Variants in PDE3A observed in about 807,000 individuals in gnomAD.
PDE3A encodes phosphodiesterase 3A.
A neutral mutation model predicts 98.3 loss-of-function variants in PDE3A; 43 were observed. That is an observed-to-expected ratio of 0.44 (90% confidence interval 0.34 to 0.56). PDE3A has a LOEUF of 0.56. PDE3A is among the 20% of genes least tolerant of loss of function. The pLI is 0.01. For synonymous variants in PDE3A, 663 were observed against 567.9 expected, an observed-to-expected ratio of 1.17 and a Z score of -2.38; for missense variants, 1,427 against 1,440.7, an observed-to-expected ratio of 0.99 and a Z score of 0.15.
At chr12:20,467,892 G>A (rs1453652271) in intron 1 of PDE3A, among the ~76,000 whole-genome samples, 6 of 126,426 alleles carry the variant, frequency 4.7e-5, no homozygotes, top group African/African-American at 1.5e-4. Flanking sequence ...CTGAGATTGG[G>A]CCACTGCACT....
intron 1 of PDE3A, among the ~76,000 whole-genome samples, chr12:20,515,746 ATTTT>A (rs1236895233): frequency 1.7e-5 from 2 of 118,326 alleles, no homozygotes; most frequent in Non-Finnish European, 1.9e-5. Flanking sequence ...TTATTTATTT[ATTTT>A]GAGACGGAGT....
At chr12:20,409,126 A>G (rs1444631) in intron 1 of PDE3A, among the ~76,000 whole-genome samples, 113,092 of 151,990 alleles carry the variant, frequency 0.74, 42,374 homozygotes, top group East Asian at 0.98. Flanking sequence ...TCATCTCCTC[A>G]TTTCCTCCTG....
intron 1 of PDE3A, among the ~76,000 whole-genome samples, chr12:20,465,150 T>A (rs1945319212): frequency 6.6e-6 from 1 of 152,162 alleles, no homozygotes; most frequent in Non-Finnish European, 1.5e-5. Flanking sequence ...AATCTTCCTT[T>A]CTGAGGATAA....
intron 1 of PDE3A, among the ~76,000 whole-genome samples, chr12:20,511,445 C>CAT (rs61454814): frequency 2.0e-5 from 3 of 148,588 alleles, no homozygotes; most frequent in Non-Finnish European, 4.5e-5. Flanking sequence ...CACACACACA[C>CAT]ATACACACAC....
intron 1 of PDE3A, among the ~76,000 whole-genome samples, chr12:20,476,166 T>C (rs769275817): frequency 1.3e-5 from 2 of 152,186 alleles, no homozygotes; most frequent in Non-Finnish European, 2.9e-5. Context: ...TTATTCTTAT[T>C]TTGAGGATTG....
chr12:20,614,001 T>C (rs1217142849), intron 3 of PDE3A, among the ~76,000 whole-genome samples: 1 of 152,164 alleles, frequency 6.6e-6, no homozygotes, highest in Admixed American at 6.5e-5. Flanking sequence ...GTGATAAGGA[T>C]ATTGCAACAA....
At chr12:20,482,228 GTA>G (rs1945643466) in intron 1 of PDE3A, among the ~76,000 whole-genome samples, 1 of 136,386 alleles carries the variant, frequency 7.3e-6, no homozygotes, top group African/African-American at 2.6e-5. Context: ...TTGCACACAT[GTA>G]TTTTTTTTTC....
intron 1 of PDE3A, among the ~76,000 whole-genome samples, chr12:20,407,112 T>A (rs1944246268): frequency 6.6e-6 from 1 of 152,194 alleles, no homozygotes; most frequent in Non-Finnish European, 1.5e-5. Flanking sequence ...GTCACTGGTA[T>A]ACTATACAGT....
At chr12:20,557,703 A>G (rs1403139342) in intron 2 of PDE3A, among the ~76,000 whole-genome samples, 1 of 152,196 alleles carries the variant, frequency 6.6e-6, no homozygotes, top group African/African-American at 2.4e-5. Context: ...CAAGTCAATC[A>G]ATTGTTTTAG....
chr12:20,646,188 A>G (rs1349238682), intron 10 of PDE3A, among the ~76,000 whole-genome samples: 1 of 152,178 alleles, frequency 6.6e-6, no homozygotes, highest in African/African-American at 2.4e-5. Flanking sequence ...AGTAAACATT[A>G]CACTTTTTTC....
At chr12:20,568,933 A>G (rs1278029810) in intron 2 of PDE3A, among the ~76,000 whole-genome samples, 4 of 152,040 alleles carry the variant, frequency 2.6e-5, no homozygotes, top group African/African-American at 7.2e-5. Flanking sequence ...TTTAATTTTT[A>G]AAGGCTGAGT....
At chr12:20,430,940 C>T (rs888691917) in intron 1 of PDE3A, among the ~76,000 whole-genome samples, 2 of 152,124 alleles carry the variant, frequency 1.3e-5, no homozygotes, top group African/African-American at 2.4e-5. Flanking sequence ...ATATCTTACC[C>T]GTCAGTTCCA....
At chr12:20,561,153 C>T (rs1233934704) in intron 2 of PDE3A, among the ~76,000 whole-genome samples, 1 of 151,816 alleles carries the variant, frequency 6.6e-6, no homozygotes, top group Non-Finnish European at 1.5e-5. Context: ...CTCAGCTACT[C>T]GCAAGACTGA....
chr12:20,440,101 C>A (rs796712816), intron 1 of PDE3A, among the ~76,000 whole-genome samples: 18 of 152,206 alleles, frequency 1.2e-4, no homozygotes, highest in African/African-American at 4.3e-4. Context: ...CCAAAGAAAT[C>A]TAATTAAGCT....
At chr12:20,370,347 G>A in intron 1 of PDE3A, 103 bp downstream of exon 1, 1 of 989,368 alleles carries the variant, frequency 1.0e-6, no homozygotes, top group East Asian at 2.8e-5. Context: ...AGGGAAGATA[G>A]CCTAGAAAAC....
At chr12:20,591,408 C>CTATT (rs1943336031) in intron 2 of PDE3A, among the ~76,000 whole-genome samples, 1 of 152,224 alleles carries the variant, frequency 6.6e-6, no homozygotes, top group Non-Finnish European at 1.5e-5. Context: ...TTTAATAATA[C>CTATT]TATTTTTCAA....
In PDE3A at chr12:20,680,322, C is replaced by G; in HGVS notation, c.*51C>G. The G allele has an allele frequency of 6.3e-7, 1 of 1,581,772 alleles. No homozygotes were observed. Among genetic ancestry groups the G allele is most frequent in the Non-Finnish European group, 8.6e-7 (1 of 1,157,208 alleles). On this transcript the variant is annotated 3_prime_UTR_variant, in exon 16 of 16. Coordinates refer to ENST00000359062, the MANE Select transcript of PDE3A (RefSeq NM_000921.5). ...CAAACAGATTGACTTGTCAAAGACT[C>G]TCTTCAAGCCAGCACAACATTTAGA...
At chr12:20,423,028 G>A (rs1018797184) in intron 1 of PDE3A, among the ~76,000 whole-genome samples, 7 of 152,112 alleles carry the variant, frequency 4.6e-5, no homozygotes, top group African/African-American at 1.4e-4. Context: ...AGCCAATGAA[G>A]CCTGGGTTGA....
At chr12:20,676,067 T>C (rs1274106950) in intron 15 of PDE3A, among the ~76,000 whole-genome samples, 1 of 152,206 alleles carries the variant, frequency 6.6e-6, no homozygotes, top group Non-Finnish European at 1.5e-5. Flanking sequence ...TTTCTCTCTC[T>C]CTCTCTCTGT....
Sources: allele counts gnomAD v4.1 joint callset (sites outside exome capture counted in the v4.1 genomes callset), GRCh38; gene constraint gnomAD v4.1.1; transcripts MANE v1.5; gene names NCBI Gene and HGNC (gene_info 2026-07-23, HGNC 2026-07-21).